The following ZNF3 variants were observed in gnomAD, a reference collection of about 807,000 sequenced individuals.
ZNF3 encodes the protein C2-H2 type zinc finger protein.
ZNF3 carries 16 observed loss-of-function variants against 36.9 expected under a neutral mutation model. The observed-to-expected ratio is 0.43, with a 90% CI of 0.29 to 0.66. The LOEUF is 0.66. Ranked by LOEUF, ZNF3 falls within the 30% of genes least tolerant of loss-of-function variation. The pLI is 0.13. For synonymous variants in ZNF3, 201 were observed against 201.9 expected (o/e 1.00, Z 0.04); for missense variants, 462 against 543.1 (o/e 0.85, Z 1.48).
intron 3 of ZNF3, 98 bp from the exon 4 acceptor site, chr7:100,075,728 G>A (rs1249774961): frequency 9.4e-7 from 1 of 1,067,234 alleles, no homozygotes; most frequent in Non-Finnish European, 1.4e-6. Flanking sequence ...GGGGTCCTGG[G>A]ACAACACAGG....
rs1467786974 is a variant in ZNF3, at chr7:100,081,507, G to A, written c.-198+128C>T. ...AGGACGGGCTGCAGGGGACGGAGGG[G>A]CGCCTCCCCGAACCCTGCTCCGGGC... On this transcript the variant is annotated intron_variant, in intron 1 of 5. Transcript: ENST00000299667. The surrounding 1 kb of genome is among the most constrained non-coding windows in gnomAD (Gnocchi z 4.3). 1 of 152,428 alleles carries A rather than the reference G, an allele frequency of 6.6e-6. No individual in the cohort carries two copies. Among genetic ancestry groups the A allele is most frequent in the Non-Finnish European group, 1.5e-5 (1 of 68,238 alleles). The allele number at this position is 152,428 out of a possible 1,614,324, so 9.4% of individuals were successfully genotyped here. A position where few individuals can be genotyped will look rare whatever the true frequency, so the allele number is the denominator to read the frequency against.
chr7:100,072,999 A>G (rs1793465671), intron 5 of ZNF3, among the ~76,000 whole-genome samples: 2 of 152,174 alleles, frequency 1.3e-5, no homozygotes, highest in African/African-American at 4.8e-5. Flanking sequence ...TTTCTCCTTC[A>G]CCTGAAGAGG....
At position 100,070,936 on chromosome 7, in the gene ZNF3, T is replaced by C; in HGVS notation, c.*207A>G. The C allele has an allele frequency of 7.3e-7, 1 of 1,361,950 alleles. No homozygotes were observed. The highest frequency in any genetic ancestry group is 2.7e-5 in the East Asian group (1 of 36,958). 84.4% of individuals were successfully genotyped at this position (1,361,950 alleles called of 1,614,324 possible). On this transcript the variant is annotated 3_prime_UTR_variant, in exon 6 of 6. Coordinates refer to ENST00000299667, the MANE Select transcript of ZNF3 (RefSeq NM_032924.5). Reference sequence around the variant, plus strand: ...GGTAACTGGTCCCAGAGCTGCTTTCTATTCCCAGCACGCCATCCACTTGCC... The same window carrying C: ...GGTAACTGGTCCCAGAGCTGCTTTCCATTCCCAGCACGCCATCCACTTGCC...
At chr7:100,078,263 G>A (rs1283224838) in intron 2 of ZNF3, among the ~76,000 whole-genome samples, 1 of 152,022 alleles carries the variant, frequency 6.6e-6, no homozygotes, top group East Asian at 2.0e-4. Flanking sequence ...TTGGGAGGCT[G>A]AGGCAGGCAA....
chr7:100,074,432 G>A lies in ZNF3; in HGVS notation c.271+703C>T, dbSNP rs117102104. On this transcript the variant is annotated intron_variant, in intron 5 of 5. Transcript: ENST00000299667. Reference sequence around the variant, plus strand: ...ACTACAGGCATGTGCCACCATGCCTGGCTAATTTTTTGGATATTTGGTAGA... The same window carrying A: ...ACTACAGGCATGTGCCACCATGCCTAGCTAATTTTTTGGATATTTGGTAGA... Among the ~76,000 whole-genome samples the A allele has an allele frequency of 1.6e-3, 250 of 152,138 alleles. 6 individuals are homozygous for A. The East Asian group carries it at 0.047, about 29-fold the overall frequency.
chr7:100,069,861 C>T, downstream of ZNF3: 4 of 842,710 alleles, frequency 4.7e-6, no homozygotes, highest in Non-Finnish European at 5.7e-6. Context: ...GATCTGCCTG[C>T]CTTGGCCTCC....
chr7:100,071,648 G>C lies in ZNF3; in HGVS notation c.836C>G (p.Thr279Arg). 1 of 1,613,924 alleles carries C rather than the reference G, an allele frequency of 6.2e-7. No homozygotes were observed. The highest frequency in any genetic ancestry group is 8.5e-7 in the Non-Finnish European group (1 of 1,179,928). ...ATTACATTCATAGGGTTTCTCCCCC[G>C]TGTGGATCCTCCGATGCAGAATGAG... is the stretch of plus-strand genomic sequence containing the variant. Reference protein sequence around the residue: ...SALILHRRIHTGEKPYECNEC... With the variant: ...SALILHRRIHRGEKPYECNEC... The change falls in exon 6 of 6, where the codon ACG becomes AGG. Residue 279 changes from threonine to arginine, a missense_variant. Physicochemically the swap from Thr to Arg is moderately conservative, Grantham distance 71. Transcript: ENST00000299667.
At position 100,070,570 on chromosome 7, in the gene ZNF3, CCAT is replaced by C; in HGVS notation, c.*570_*572del. The C allele has an allele frequency of 1.0e-6, 1 of 986,294 alleles. No individual in the cohort carries two copies. The highest frequency in any genetic ancestry group is 1.2e-6 in the Non-Finnish European group (1 of 830,612). 61.1% of individuals were successfully genotyped at this position (986,294 alleles called of 1,614,324 possible). ...GCTGCTCCAAGAGCCCTAAAGGACA[CCAT>C]CATCACAGATGATGATTCTGGAATC... On this transcript the variant is annotated 3_prime_UTR_variant, in exon 6 of 6. Transcript: ENST00000299667.
At chr7:100,069,003 T>A (rs946019651), downstream of ZNF3, among the ~76,000 whole-genome samples, 1 of 151,850 alleles carries the variant, frequency 6.6e-6, no homozygotes, top group Non-Finnish European at 1.5e-5. Flanking sequence ...ATAATTTTTT[T>A]TTTTTTAGGA....
downstream of ZNF3, among the ~76,000 whole-genome samples, chr7:100,068,667 AATTTC>A (rs1375816413): frequency 5.3e-5 from 8 of 151,618 alleles, no homozygotes; most frequent in Non-Finnish European, 1.2e-4. Flanking sequence ...TCTATAAAGT[AATTTC>A]ATTTCATTTT....
Position 100,071,463 on chromosome 7 carries a change from C to G in ZNF3, c.1021G>C (p.Glu341Gln), listed in dbSNP as rs572387152. ...QRIHTGEKPYECNECGKAFSQ... is the reference protein window; with the variant it reads ...QRIHTGEKPYQCNECGKAFSQ... The stretch of plus-strand genomic sequence containing the variant: ...AAGGCTTTCCCACATTCATTACATT[C>G]ATAGGGTTTTTCTCCAGTGTGGATT... The change falls in exon 6 of 6, where the codon GAA becomes CAA. Residue 341 changes from glutamate to glutamine, a missense_variant. Glu to Gln is a conservative substitution (Grantham distance 29). Transcript: ENST00000299667. 4.3e-6 allele frequency: 7 copies of G among 1,614,028 alleles called. No homozygotes were observed. Among genetic ancestry groups the G allele is most frequent in the Middle Eastern group, 1.7e-4 (1 of 6,060 alleles).
At chr7:100,069,805 G>A (rs1377065900), downstream of ZNF3, among the ~76,000 whole-genome samples, 1 of 152,074 alleles carries the variant, frequency 6.6e-6, no homozygotes, top group African/African-American at 2.4e-5. Flanking sequence ...TAGAGACGGG[G>A]TTTCTCCATG....
chr7:100,067,089 T>G (rs774284275), downstream of ZNF3, among the ~76,000 whole-genome samples: 1 of 152,196 alleles, frequency 6.6e-6, no homozygotes, highest in Non-Finnish European at 1.5e-5. Context: ...ATCATGGTAA[T>G]TGTGTCCACT....
chr7:100,067,030 T>G (rs1792686787), downstream of ZNF3, among the ~76,000 whole-genome samples: 1 of 149,752 alleles, frequency 6.7e-6, no homozygotes, highest in Non-Finnish European at 1.5e-5. Flanking sequence ...GTGTCAAGAT[T>G]CCATCTCAAA....
chr7:100,064,172 C>G, exon 6 of ZNF3: 1 of 1,614,030 alleles, frequency 6.2e-7, no homozygotes, highest in Non-Finnish European at 8.5e-7. Context: ...CACTACAGAA[C>G]ACACTTGGTG....
chr7:100,073,910 C>G (rs1157011445), intron 5 of ZNF3, among the ~76,000 whole-genome samples: 1 of 151,866 alleles, frequency 6.6e-6, no homozygotes, highest in Admixed American at 6.6e-5. Context: ...AATCTCAGCA[C>G]TTTGGGAGGC....
Position 100,071,695 on chromosome 7 carries a change from T to C in ZNF3, c.789A>G (p.Lys263=), listed in dbSNP as rs770423192. The change falls in exon 6 of 6, where the codon AAA becomes AAG. Residue 263 remains lysine, a synonymous_variant. Coordinates refer to ENST00000299667, the MANE Select transcript of ZNF3 (RefSeq NM_032924.5). ...EKPYECSDCG[K]TFSCSSALIL... ...TGAGGGCAGAGCTACAGCTGAAGGT[T>C]TTCCCACAATCACTACATTCATAAG... 2.5e-6 allele frequency: 4 copies of C among 1,612,824 alleles called. No individual in the cohort carries two copies. Among genetic ancestry groups the C allele is most frequent in the Non-Finnish European group, 3.4e-6 (4 of 1,179,800 alleles).
At chr7:100,072,255 A>C in intron 5 of ZNF3, 43 bp from the exon 6 acceptor site, 1 of 1,487,130 alleles carries the variant, frequency 6.7e-7, no homozygotes, top group South Asian at 1.3e-5. Context: ...TCCTTAGGGA[A>C]GAAAGAGTGA....
At position 100,075,536 on chromosome 7, in the gene ZNF3, G is replaced by C; in HGVS notation, c.144+6C>G. 6.2e-7 allele frequency: 1 copy of C among 1,614,074 alleles called. No homozygotes were observed. Among genetic ancestry groups the C allele is most frequent in the Admixed American group, 1.7e-5 (1 of 60,006 alleles). ...AAGGAAAAGGATAAACGGAACCACA[G>C]CTCACCTGGGACTTGGCCTTTAGGA... On this transcript the variant is annotated splice_donor_region_variant and intron_variant, in intron 4 of 5. Transcript: ENST00000299667.
Sources: allele counts gnomAD v4.1 joint callset (sites outside exome capture counted in the v4.1 genomes callset), GRCh38; gene constraint gnomAD v4.1.1; non-coding constraint Gnocchi (gnomAD v3.1); transcripts MANE v1.5; gene names NCBI Gene and HGNC (gene_info 2026-07-23, HGNC 2026-07-21).